The following GRID2 variants were observed in gnomAD, a reference collection of about 807,000 sequenced individuals.
GRID2 encodes the protein glutamate ionotropic receptor delta type subunit 2, also known as glutamate receptor ionotropic, delta-2.
In GRID2, 33 loss-of-function variants were observed where a neutral mutation model predicts 114.8. That is an observed-to-expected ratio of 0.29 (90% CI 0.22 to 0.38). The LOEUF is 0.38. Ranked by LOEUF, GRID2 falls within the 10% of genes least tolerant of loss-of-function variation. The pLI, the probability that GRID2 is intolerant of heterozygous loss-of-function variation, is 1.00. For synonymous variants in GRID2, 505 were observed against 449.9 expected (o/e 1.12, Z -1.55); for missense variants, 1,184 against 1,257.7 (o/e 0.94, Z 0.89).
At chr4:93,801,670 ATAGT>A (rs1263993947) in intron 1 of GRID2, among the ~76,000 whole-genome samples, 1 of 152,230 alleles carries the variant, frequency 6.6e-6, no homozygotes, top group Admixed American at 6.5e-5. Flanking sequence ...AAAAAAGTAA[ATAGT>A]TAAAGCACTG....
intron 1 of GRID2, among the ~76,000 whole-genome samples, chr4:93,796,265 A>T (rs947921221): frequency 3.9e-5 from 6 of 152,090 alleles, no homozygotes; most frequent in Non-Finnish European, 5.9e-5. Context: ...TCAAAGATTG[A>T]TACTCCACTA....
At chr4:92,675,028 A>G (rs551125504) in intron 2 of GRID2, among the ~76,000 whole-genome samples, 1 of 152,082 alleles carries the variant, frequency 6.6e-6, no homozygotes, top group Non-Finnish European at 1.5e-5. Flanking sequence ...TGTTGGGGCC[A>G]TGTTGGTGAG....
chr4:92,910,700 A>T (rs1748308211), intron 2 of GRID2, among the ~76,000 whole-genome samples: 1 of 152,060 alleles, frequency 6.6e-6, no homozygotes, highest in African/African-American at 2.4e-5. Flanking sequence ...CATACACCAA[A>T]ATTTACAGAT....
rs1348549011 is a variant in GRID2, at chr4:93,216,744, A to G, written c.796A>G (p.Asn266Asp). 1 of 1,603,682 alleles carries G rather than the reference A, an allele frequency of 6.2e-7. No individual in the cohort carries two copies. Among genetic ancestry groups the G allele is most frequent in the African/African-American group, 1.3e-5 (1 of 74,722 alleles). Residue 266 changes from asparagine to aspartate, a missense_variant, in exon 6 of 16, where the codon AAC (asparagine) becomes GAC (aspartate). Coordinates refer to ENST00000282020, the MANE Select transcript of GRID2 (RefSeq NM_001510.4). ...TCCACCTCTTATCTTATAGGAAATA[A>G]ACGATGTGGACGTACAGGAACTTGT... ...CHWIIINEEI[N>D]DVDVQELVRR...
At chr4:93,235,511 C>A (rs534945517) in intron 7 of GRID2, among the ~76,000 whole-genome samples, 1 of 152,040 alleles carries the variant, frequency 6.6e-6, no homozygotes, top group South Asian at 2.1e-4. Context: ...AGCTTTAAAG[C>A]GCTGGAATTT....
At chr4:93,191,746 T>C (rs1741001451) in intron 4 of GRID2, among the ~76,000 whole-genome samples, 1 of 152,160 alleles carries the variant, frequency 6.6e-6, no homozygotes, top group Admixed American at 6.6e-5. Context: ...TGCCCTGCCA[T>C]ATCAATTATT....
intron 2 of GRID2, among the ~76,000 whole-genome samples, chr4:92,811,531 A>C (rs541279013): frequency 6.6e-6 from 1 of 152,166 alleles, no homozygotes; most frequent in South Asian, 2.1e-4. Context: ...TAACCCCCAA[A>C]TTTACCTAAA....
chr4:92,448,724 TA>T (rs1443824007), intron 1 of GRID2, among the ~76,000 whole-genome samples: 2 of 152,142 alleles, frequency 1.3e-5, no homozygotes, highest in African/African-American at 4.8e-5. Context: ...AAATTTCAAT[TA>T]TTAAAATCAA....
chr4:93,474,517 A>G (rs1456820664), intron 11 of GRID2, among the ~76,000 whole-genome samples: 1 of 152,090 alleles, frequency 6.6e-6, no homozygotes, highest in East Asian at 1.9e-4. Flanking sequence ...TTTTAAATTT[A>G]TTTGCTTGAA....
At chr4:92,679,718 T>C (rs1400399625) in intron 2 of GRID2, among the ~76,000 whole-genome samples, 1 of 152,032 alleles carries the variant, frequency 6.6e-6, no homozygotes, top group Non-Finnish European at 1.5e-5. Context: ...GTCTGAATAG[T>C]ATGTGAAAAC....
At chr4:93,550,729 T>C (rs1468112746) in intron 13 of GRID2, among the ~76,000 whole-genome samples, 7 of 152,210 alleles carry the variant, frequency 4.6e-5, no homozygotes, top group Non-Finnish European at 5.9e-5. Flanking sequence ...GAATAATCCT[T>C]AAATAAAGCT....
chr4:92,948,103 AT>A (rs893537289), intron 2 of GRID2, among the ~76,000 whole-genome samples: 3 of 151,796 alleles, frequency 2.0e-5, no homozygotes, highest in Non-Finnish European at 4.4e-5. Flanking sequence ...GCTCCTAATA[AT>A]TTTTTTATAA....
chr4:93,594,199 G>T (rs1738759775), intron 13 of GRID2, among the ~76,000 whole-genome samples: 1 of 125,596 alleles, frequency 8.0e-6, no homozygotes, highest in East Asian at 2.0e-4. Flanking sequence ...TCTACTTTTG[G>T]TCTTTGGTAT....
intron 2 of GRID2, among the ~76,000 whole-genome samples, chr4:92,930,618 T>C (rs117994669): frequency 2.8e-5 from 4 of 142,224 alleles, no homozygotes; most frequent in Non-Finnish European, 6.1e-5. Flanking sequence ...TCAATGTGAA[T>C]AAATTTACAA....
intron 1 of GRID2, among the ~76,000 whole-genome samples, chr4:92,500,718 A>G (rs1723640152): frequency 6.6e-6 from 1 of 152,130 alleles, no homozygotes; most frequent in Non-Finnish European, 1.5e-5. Flanking sequence ...GCCAGAAGCC[A>G]GGAGTAATCC....
At chr4:92,630,548 T>C (rs1419179626) in intron 2 of GRID2, among the ~76,000 whole-genome samples, 1 of 152,176 alleles carries the variant, frequency 6.6e-6, no homozygotes, top group African/African-American at 2.4e-5. Context: ...TCTTTAGTTC[T>C]TCCACAGCAT....
rs1451921784 is a variant in GRID2 at position 93,774,432 on chromosome 4, C to T, written c.*1934C>T. ...AACCATGTACAATATTTAAAATAGG[C>T]TTATTTTGATGTATCGCCTATTATA... is the stretch of plus-strand genomic sequence containing the variant. On this transcript the variant is annotated 3_prime_UTR_variant, in exon 16 of 16. Transcript: ENST00000282020. 1 of 152,036 alleles carries T rather than the reference C, an allele frequency of 6.6e-6. No individual in the cohort carries two copies. The highest frequency in any genetic ancestry group is 2.4e-5 in the African/African-American group (1 of 41,422). The allele number at this position is 152,036 out of a possible 1,614,324, so 9.4% of individuals were successfully genotyped here.
intron 14 of GRID2, among the ~76,000 whole-genome samples, chr4:93,645,336 G>C (rs1722011206): frequency 6.6e-6 from 1 of 152,024 alleles, no homozygotes; most frequent in Admixed American, 6.6e-5. Context: ...GTTGAACTTG[G>C]GGCACCAGAG....
intron 4 of GRID2, among the ~76,000 whole-genome samples, chr4:93,115,103 T>C (rs1560894659): frequency 6.6e-6 from 1 of 151,720 alleles, no homozygotes; most frequent in Non-Finnish European, 1.5e-5. Context: ...TGTGTGTGTG[T>C]GTGTGTGTGT....
Sources: allele counts gnomAD v4.1 joint callset (sites outside exome capture counted in the v4.1 genomes callset), GRCh38; gene constraint gnomAD v4.1.1; transcripts MANE v1.5; gene names NCBI Gene and HGNC (gene_info 2026-07-23, HGNC 2026-07-21).